Variants in SEMA4D observed in about 807,000 individuals in gnomAD.
SEMA4D encodes semaphorin 4D.
In SEMA4D, 22 loss-of-function variants were observed where a neutral mutation model predicts 74.8. That is an observed-to-expected ratio of 0.29 (90% confidence interval 0.21 to 0.42). The LOEUF is 0.42. Ranked by LOEUF, SEMA4D falls within the 10% of genes least tolerant of loss-of-function variation. The pLI, the probability that SEMA4D is intolerant of heterozygous loss-of-function variation, is 1.00. For synonymous variants in SEMA4D, 445 were observed against 463.7 expected (o/e 0.96, Z 0.52); for missense variants, 937 against 1,118.4 (o/e 0.84, Z 2.31).
At position 89,393,939 on chromosome 9, in the gene SEMA4D, C is replaced by T. The variant is rs114633985; in HGVS notation, c.415-284G>A. On this transcript the variant is annotated intron_variant, in intron 6 of 15. Transcript: ENST00000422704. ...CTCATCTGCAAAATGGAAATGGCAA[C>T]GCTGATGGCTCTAGGGCTGGAAAGC... is the stretch of plus-strand genomic sequence containing the variant. Among the ~76,000 whole-genome samples the T allele has an allele frequency of 1.9e-3, 287 of 152,342 alleles. 1 individual carries two copies. Among genetic ancestry groups the T allele is most frequent in the African/African-American group, 6.5e-3 (270 of 41,568 alleles).
downstream of SEMA4D, among the ~76,000 whole-genome samples, chr9:89,374,888 A>T (rs1588135964): frequency 6.6e-6 from 1 of 152,294 alleles, no homozygotes; most frequent in Middle Eastern, 3.4e-3. Context: ...CCCTGTCTCT[A>T]CTAAAAATAC....
At position 89,461,829 on chromosome 9, in the gene SEMA4D, A is replaced by T. The variant is rs545948391; in HGVS notation, c.-309-5876T>A. Among the ~76,000 whole-genome samples the T allele has an allele frequency of 3.0e-3, 455 of 149,934 alleles. 1 individual carries two copies. The highest frequency in any genetic ancestry group is 0.011 in the African/African-American group (430 of 40,700). Reference sequence around the variant, plus strand: ...GTGATTCTCCTGCCTCAGCCTCCTGAGTAGCTGGGATTACAGGCGTGCGCC... The same window carrying T: ...GTGATTCTCCTGCCTCAGCCTCCTGTGTAGCTGGGATTACAGGCGTGCGCC... On this transcript the variant is annotated intron_variant, in intron 1 of 15. Coordinates refer to ENST00000422704, the MANE Select transcript of SEMA4D (RefSeq NM_001371194.2).
At chr9:89,433,166 T>C (rs1028437030) in intron 2 of SEMA4D, among the ~76,000 whole-genome samples, 2 of 152,224 alleles carry the variant, frequency 1.3e-5, no homozygotes, top group Non-Finnish European at 2.9e-5. Context: ...TCACTGTCTA[T>C]AGCAGGCTGG....
chr9:89,362,375 T>C, exon 19 of SEMA4D: 1 of 1,613,962 alleles, frequency 6.2e-7, no homozygotes, highest in Non-Finnish European at 8.5e-7. Context: ...GGGGTTGAGG[T>C]CGGTGTCAGG....
At position 89,377,865 on chromosome 9, in the gene SEMA4D, G is replaced by A. The variant is rs1836072453; in HGVS notation, c.*839C>T. ...AAAACCCACCTCGTGGATGTGGGAA[G>A]GTCCTCTTCTTCGAGAGAGTAAAAG... On this transcript the variant is annotated 3_prime_UTR_variant, in exon 16 of 16. Coordinates refer to ENST00000422704, the MANE Select transcript of SEMA4D (RefSeq NM_001371194.2). 6.7e-6 allele frequency: 1 copy of A among 149,306 alleles called. No homozygotes were observed. The allele number at this position is 149,306 out of a possible 1,614,324, so 9.2% of individuals were successfully genotyped here.
At chr9:89,379,795 A>G (rs1836597901) in intron 15 of SEMA4D, among the ~76,000 whole-genome samples, 166 bp from the exon 16 acceptor site, 1 of 152,234 alleles carries the variant, frequency 6.6e-6, no homozygotes, top group African/African-American at 2.4e-5. Context: ...AAAAGCAAAG[A>G]TGAGCCCTGG....
At chr9:89,379,822 A>C (rs1836602563) in intron 15 of SEMA4D, among the ~76,000 whole-genome samples, 193 bp from the exon 16 acceptor site, 1 of 152,210 alleles carries the variant, frequency 6.6e-6, no homozygotes. Flanking sequence ...GCCCATGGGG[A>C]CAAAGAAATT....
intron 1 of SEMA4D, among the ~76,000 whole-genome samples, chr9:89,481,947 G>A (rs1442378592): frequency 6.6e-6 from 1 of 152,248 alleles, no homozygotes; most frequent in Non-Finnish European, 1.5e-5. Context: ...GAGATGGAAA[G>A]ATGAAAACAG....
At chr9:89,387,039 C>G in intron 12 of SEMA4D, 1 of 244,452 alleles carries the variant, frequency 4.1e-6, no homozygotes, top group Non-Finnish European at 7.9e-6. Flanking sequence ...AGTCAGGAAA[C>G]GCCAGGCTGA....
chr9:89,442,174 A>G (rs575273264), intron 2 of SEMA4D, among the ~76,000 whole-genome samples: 5 of 130,998 alleles, frequency 3.8e-5, no homozygotes, highest in Admixed American at 7.3e-5. Flanking sequence ...GGCCAGAGAC[A>G]TGGTTTGCTG....
chr9:89,486,468 T>C (rs939541351), intron 1 of SEMA4D, among the ~76,000 whole-genome samples: 1 of 152,212 alleles, frequency 6.6e-6, no homozygotes, highest in African/African-American at 2.4e-5. Flanking sequence ...GAATGGTACA[T>C]TTAACAGGAA....
rs1824972180 is a variant in SEMA4D, at chr9:89,484,333, A to G, written c.-310+13586T>C. 6.6e-6 allele frequency among the ~76,000 whole-genome samples: 1 copy of G among 152,234 alleles called. No individual in the cohort carries two copies. Among genetic ancestry groups the G allele is most frequent in the Non-Finnish European group, 1.5e-5 (1 of 68,036 alleles). On this transcript the variant is annotated intron_variant, in intron 1 of 15. Transcript: ENST00000422704. The surrounding 1 kb of genome is among the most constrained non-coding windows in gnomAD (Gnocchi z 4.1). ...TGCAAAGCTCTCAAGACTCCGATGC[A>G]TACGGGGTATGTGTGTGCTGTGTGT... is the stretch of plus-strand genomic sequence containing the variant.
At chr9:89,443,795 T>C (rs1184314761) in intron 2 of SEMA4D, among the ~76,000 whole-genome samples, 1 of 152,224 alleles carries the variant, frequency 6.6e-6, no homozygotes, top group Non-Finnish European at 1.5e-5. Context: ...CTGGGCTCCC[T>C]GCATAGGTGT....
intron 2 of SEMA4D, among the ~76,000 whole-genome samples, chr9:89,419,970 C>T (rs1381747959): frequency 6.6e-6 from 1 of 152,068 alleles, no homozygotes; most frequent in East Asian, 1.9e-4. Flanking sequence ...ATGAAATAAG[C>T]CTTTGTCACT....
intron 2 of SEMA4D, among the ~76,000 whole-genome samples, chr9:89,431,031 CAAT>C (rs1021835267): frequency 1.2e-4 from 18 of 152,172 alleles, no homozygotes; most frequent in African/African-American, 3.9e-4. Context: ...GTTAAATTAA[CAAT>C]AATATTATAG....
At chr9:89,403,054 A>C (rs1426918595) in intron 3 of SEMA4D, 38 bp from the exon 4 acceptor site, 2 of 1,590,010 alleles carry the variant, frequency 1.3e-6, no homozygotes, top group Admixed American at 3.4e-5. Flanking sequence ...TGGGAGGAAG[A>C]AAAGAGCGAT....
At chr9:89,480,550 C>T (rs1351364603) in intron 1 of SEMA4D, among the ~76,000 whole-genome samples, 2 of 152,222 alleles carry the variant, frequency 1.3e-5, no homozygotes, top group Non-Finnish European at 2.9e-5. Flanking sequence ...CTGCAGGTCC[C>T]GAGCCCTGCC....
chr9:89,477,993 T>C (rs1862191069), intron 1 of SEMA4D, among the ~76,000 whole-genome samples: 1 of 152,242 alleles, frequency 6.6e-6, no homozygotes. Context: ...GAGTTTCCAC[T>C]GTACTCTTAT....
rs1045068464 is a variant in SEMA4D, at chr9:89,393,770, C to T, written c.415-115G>A. On this transcript the variant is annotated intron_variant, in intron 6 of 15. Transcript: ENST00000422704. ...GCTCTTCTCGGAAGACCAACAGGGC[C>T]GAGCAGATAGGTGTGGAGCTACAGG... 13 of 764,876 alleles carry T rather than the reference C, an allele frequency of 1.7e-5. No individual in the cohort carries two copies. The African/African-American group carries it at 1.9e-4, about 11-fold the overall frequency. The allele number at this position is 764,876 out of a possible 1,614,324, so 47.4% of individuals were successfully genotyped here.
Sources: gnomAD v4.1 joint callset for allele counts (sites outside exome capture counted in the v4.1 genomes callset) on GRCh38, gnomAD v4.1.1 for gene constraint, Gnocchi (gnomAD v3.1) non-coding constraint, MANE v1.5 for transcripts, NCBI Gene and HGNC (gene_info 2026-07-23, HGNC 2026-07-21) for gene names.